The following NAV2 variants were observed in gnomAD, a reference collection of about 807,000 sequenced individuals.
The protein encoded by NAV2 is neuron navigator 2, also known as helicase, APC down-regulated 1.
Under a neutral mutation model 223.2 loss-of-function variants are expected in NAV2, and 54 were observed. That is an observed-to-expected ratio of 0.24 (90% CI 0.19 to 0.30). NAV2 has a LOEUF of 0.30. NAV2 is among the 10% of genes least tolerant of loss of function. The probability of loss-of-function intolerance (pLI) is 1.00; values close to 1 mark genes in which losing one functional copy is unlikely to be tolerated. For missense variants in NAV2, 2,806 were observed against 3,147.5 expected (o/e 0.89, Z 2.60); for synonymous variants, 1,279 against 1,239.3 (o/e 1.03, Z -0.67).
At chr11:19,716,864 T>A (rs548843597) in intron 1 of NAV2, among the ~76,000 whole-genome samples, 1 of 152,354 alleles carries the variant, frequency 6.6e-6, no homozygotes, top group African/African-American at 2.4e-5. Flanking sequence ...CATTAAAAAC[T>A]AATTTTATTC....
intron 35 of NAV2, 142 bp from the exon 36 acceptor site, chr11:20,107,522 T>C: frequency 1.5e-6 from 1 of 678,998 alleles, no homozygotes; most frequent in South Asian, 1.8e-5. Context: ...AGGGCTAGTA[T>C]ACCTGCGTTC....
intron 1 of NAV2, among the ~76,000 whole-genome samples, chr11:19,638,861 C>G (rs747195351): frequency 6.6e-6 from 1 of 152,122 alleles, no homozygotes; most frequent in Non-Finnish European, 1.5e-5. Context: ...GGCGTGGTGG[C>G]GCACACCTGT....
intron 1 of NAV2, among the ~76,000 whole-genome samples, chr11:19,581,884 A>C (rs1431195180): frequency 6.6e-6 from 1 of 152,196 alleles, no homozygotes; most frequent in Admixed American, 6.5e-5. Flanking sequence ...ATACCCAGTA[A>C]TGGGATGGCT....
intron 22 of NAV2, among the ~76,000 whole-genome samples, chr11:20,071,949 C>G (rs2059432220): frequency 6.6e-6 from 1 of 152,064 alleles, no homozygotes; most frequent in Non-Finnish European, 1.5e-5. Flanking sequence ...TTAATTAGAT[C>G]CCTTTTGTCT....
intron 31 of NAV2, among the ~76,000 whole-genome samples, chr11:20,100,546 GGTGTGTGTGTGTGTGTGTGTGTGTGTGT>G (rs59857072): frequency 7.1e-6 from 1 of 141,764 alleles, no homozygotes; most frequent in African/African-American, 2.7e-5. Flanking sequence ...ATACTAGAGG[GGTGTGTGTGTGTGTGTGTGTGTGTGTGT>G]GTGTGTGTGT....
intron 3 of NAV2, among the ~76,000 whole-genome samples, chr11:19,866,486 A>G (rs1450876516): frequency 6.6e-6 from 1 of 152,238 alleles, no homozygotes; most frequent in Non-Finnish European, 1.5e-5. Flanking sequence ...ATAATTATTC[A>G]TTCTTTTAAT....
intron 1 of NAV2, among the ~76,000 whole-genome samples, chr11:19,527,466 C>T (rs999698148): frequency 6.6e-6 from 1 of 152,034 alleles, no homozygotes; most frequent in South Asian, 2.1e-4. Context: ...TCATTATCTC[C>T]CAGCCGATAG....
intron 1 of NAV2, among the ~76,000 whole-genome samples, chr11:19,659,345 T>G (rs1202658426): frequency 2.0e-5 from 3 of 152,120 alleles, no homozygotes; most frequent in Admixed American, 1.3e-4. Flanking sequence ...GCAAGAAGCA[T>G]AAGCTACGGC....
chr11:19,388,765 C>T (rs1387055999), intron 1 of NAV2, among the ~76,000 whole-genome samples: 1 of 152,142 alleles, frequency 6.6e-6, no homozygotes, highest in East Asian at 1.9e-4. Context: ...TTCACGATAG[C>T]CATAGTTTAT....
intron 7 of NAV2, among the ~76,000 whole-genome samples, chr11:19,935,863 T>TGTTTTTTTTG (rs553290951): frequency 9.1e-6 from 1 of 110,172 alleles, no homozygotes; most frequent in Non-Finnish European, 1.9e-5. Context: ...TTTTTTTTTT[T>TGTTTTTTTTG]TTTTTTTTTT....
intron 1 of NAV2, among the ~76,000 whole-genome samples, chr11:19,786,521 G>T (rs1462206748): frequency 6.6e-6 from 1 of 152,196 alleles, no homozygotes; most frequent in African/African-American, 2.4e-5. Flanking sequence ...CATTGAGATT[G>T]CATACAGCTT....
chr11:19,391,427 C>G (rs1021875733), intron 1 of NAV2, among the ~76,000 whole-genome samples: 1 of 152,196 alleles, frequency 6.6e-6, no homozygotes, highest in African/African-American at 2.4e-5. Context: ...TCATCACCCT[C>G]GAGTTAAACC....
At chr11:19,572,290 C>A (rs1277046622) in intron 1 of NAV2, among the ~76,000 whole-genome samples, 2 of 152,180 alleles carry the variant, frequency 1.3e-5, no homozygotes, top group Admixed American at 6.5e-5. Context: ...CTGGAAGAGG[C>A]CTTAAAGCCC....
At chr11:19,419,937 G>A (rs980576260) in intron 1 of NAV2, among the ~76,000 whole-genome samples, 43 of 152,156 alleles carry the variant, frequency 2.8e-4, no homozygotes, top group African/African-American at 9.2e-4. Flanking sequence ...TGAGATGAAC[G>A]AATGAGCAAA....
intron 1 of NAV2, among the ~76,000 whole-genome samples, chr11:19,736,635 G>A (rs1381420605): frequency 1.3e-5 from 2 of 152,238 alleles, no homozygotes; most frequent in Non-Finnish European, 2.9e-5. Flanking sequence ...TGCTCCATAT[G>A]TGAGAGGGAG....
intron 1 of NAV2, among the ~76,000 whole-genome samples, chr11:19,531,025 A>G (rs1377403833): frequency 6.6e-6 from 1 of 152,220 alleles, no homozygotes; most frequent in Non-Finnish European, 1.5e-5. Context: ...AAATATCGGT[A>G]TGTATTTCAA....
At chr11:20,076,181 T>A (rs917841950) in intron 22 of NAV2, among the ~76,000 whole-genome samples, 5 of 152,216 alleles carry the variant, frequency 3.3e-5, no homozygotes, top group African/African-American at 1.2e-4. Flanking sequence ...ATCAGGTGAT[T>A]TGCTCTGTTA....
intron 22 of NAV2, among the ~76,000 whole-genome samples, chr11:20,075,720 T>C (rs1469160552): frequency 1.3e-5 from 2 of 152,012 alleles, no homozygotes; most frequent in African/African-American, 4.8e-5. Context: ...CTCACATCTC[T>C]CCTTAGATTG....
intron 10 of NAV2, among the ~76,000 whole-genome samples, chr11:19,957,155 C>T (rs983082004): frequency 6.6e-6 from 1 of 152,296 alleles, no homozygotes; most frequent in Non-Finnish European, 1.5e-5. Flanking sequence ...CAATGAGGCT[C>T]CAAGATGAAG....
Sources: allele counts gnomAD v4.1 joint callset (sites outside exome capture counted in the v4.1 genomes callset), GRCh38; gene constraint gnomAD v4.1.1; transcripts MANE v1.5; gene names NCBI Gene and HGNC (gene_info 2026-07-23, HGNC 2026-07-21).